The following MED12L variants were observed in gnomAD, a reference collection of about 807,000 sequenced individuals.
MED12L encodes mediator complex subunit 12L.
In MED12L, 60 loss-of-function variants were observed where a neutral mutation model predicts 281.3. The ratio of observed to expected loss-of-function variants is 0.21; its 90% CI spans 0.17 to 0.26. The LOEUF is 0.26. Among genes scored for constraint, MED12L ranks in the 10% least tolerant of loss-of-function variants. The probability of loss-of-function intolerance (pLI) is 1.00; values close to 1 mark genes in which losing one functional copy is unlikely to be tolerated. For missense variants in MED12L, 2,146 were observed against 2,680.9 expected (o/e 0.80, Z 4.41); for synonymous variants, 974 against 987.2 (o/e 0.99, Z 0.25).
chr3:151,223,483 A>C (rs753401157), intron 16 of MED12L, among the ~76,000 whole-genome samples: 12 of 152,254 alleles, frequency 7.9e-5, no homozygotes, highest in Non-Finnish European at 1.3e-4. Flanking sequence ...AATATGGTAC[A>C]TATACACTGT....
chr3:151,328,507 G>C (rs954752105), intron 16 of MED12L: 1 of 1,613,994 alleles, frequency 6.2e-7, no homozygotes, highest in Non-Finnish European at 8.5e-7. Flanking sequence ...TTGCTTCCTT[G>C]TTGCTCAAGA....
intron 27 of MED12L, among the ~76,000 whole-genome samples, chr3:151,373,330 G>T (rs936220166): frequency 6.6e-6 from 1 of 152,142 alleles, no homozygotes; most frequent in Admixed American, 6.5e-5. Flanking sequence ...TGCACCTCAA[G>T]GGTGATGTTA....
At chr3:151,261,161 A>G (rs1258759249) in intron 16 of MED12L, among the ~76,000 whole-genome samples, 1 of 152,122 alleles carries the variant, frequency 6.6e-6, no homozygotes, top group Non-Finnish European at 1.5e-5. Context: ...ACTAAATTAT[A>G]CTGTTCCCCA....
At chr3:151,099,394 A>G (rs1721124477) in intron 2 of MED12L, among the ~76,000 whole-genome samples, 1 of 152,170 alleles carries the variant, frequency 6.6e-6, no homozygotes, top group South Asian at 2.1e-4. Flanking sequence ...AAACTGAGAA[A>G]TTTGAATACA....
chr3:151,138,083 T>C (rs1261598880), intron 5 of MED12L, among the ~76,000 whole-genome samples: 1 of 152,200 alleles, frequency 6.6e-6, no homozygotes, highest in East Asian at 1.9e-4. Flanking sequence ...CCAGTTTTTA[T>C]TTTTGCAAAA....
At position 151,436,450 on chromosome 3, in the gene MED12L, G is replaced by A; in HGVS notation, c.*3646G>A. On this transcript the variant is annotated 3_prime_UTR_variant, in exon 45 of 45. Coordinates refer to ENST00000687756, the MANE Select transcript of MED12L (RefSeq NM_001393769.1). Reference sequence around the variant, plus strand: ...TGAACCGTTTCAATGTTTGTTTATTGTTATTTGTTGGCAAAATAAAAGTGC... The same window carrying A: ...TGAACCGTTTCAATGTTTGTTTATTATTATTTGTTGGCAAAATAAAAGTGC... 1 of 385,616 alleles carries A rather than the reference G, an allele frequency of 2.6e-6. No homozygotes were observed. Among genetic ancestry groups the A allele is most frequent in the Non-Finnish European group, 4.6e-6 (1 of 216,430 alleles). 23.9% of individuals were successfully genotyped at this position (385,616 alleles called of 1,614,324 possible).
intron 2 of MED12L, among the ~76,000 whole-genome samples, chr3:151,113,300 T>TCA (rs1230414160): frequency 1.3e-5 from 2 of 151,976 alleles, no homozygotes; most frequent in Non-Finnish European, 2.9e-5. Context: ...GCTGGGCTGG[T>TCA]GTGTTTGAGA....
At chr3:151,219,706 A>G (rs959189813) in intron 16 of MED12L, 9 of 152,302 alleles carry the variant, frequency 5.9e-5, no homozygotes, top group African/African-American at 2.2e-4. Context: ...TTGGGAAAAT[A>G]TGTCTGTACT....
At chr3:151,151,827 A>G (rs1718566897) in intron 5 of MED12L, among the ~76,000 whole-genome samples, 1 of 152,186 alleles carries the variant, frequency 6.6e-6, no homozygotes, top group Non-Finnish European at 1.5e-5. Flanking sequence ...CATGATGTGA[A>G]CATATGCTGT....
At chr3:151,420,844 G>A (rs550812688) in intron 43 of MED12L, among the ~76,000 whole-genome samples, 2 of 152,184 alleles carry the variant, frequency 1.3e-5, no homozygotes, top group African/African-American at 2.4e-5. Flanking sequence ...GTGAGTCCAC[G>A]GATGGTAGTC....
At chr3:151,347,482 C>CT (rs1232358581) in intron 16 of MED12L, among the ~76,000 whole-genome samples, 3 of 152,206 alleles carry the variant, frequency 2.0e-5, no homozygotes, top group Non-Finnish European at 4.4e-5. Flanking sequence ...GCTCCAAAGT[C>CT]TACTTCCCCT....
At chr3:151,281,505 A>G (rs530976961) in intron 16 of MED12L, among the ~76,000 whole-genome samples, 2 of 152,322 alleles carry the variant, frequency 1.3e-5, no homozygotes, top group Admixed American at 6.5e-5. Flanking sequence ...GCATAATACA[A>G]CATAGCCAAT....
At chr3:151,374,532 A>G (rs1756588396) in intron 27 of MED12L, among the ~76,000 whole-genome samples, 1 of 151,314 alleles carries the variant, frequency 6.6e-6, no homozygotes, top group African/African-American at 2.4e-5. Context: ...CTGGTAAGAG[A>G]GCAAGACTCT....
At chr3:151,112,997 C>T (rs190256906) in intron 2 of MED12L, among the ~76,000 whole-genome samples, 17 of 152,302 alleles carry the variant, frequency 1.1e-4, no homozygotes, top group Non-Finnish European at 1.8e-4. Context: ...ATAAAGATCC[C>T]CAGTTTTATG....
Position 151,360,456 on chromosome 3 carries a change from G to A in MED12L, c.2826-18G>A, listed in dbSNP as rs181611572. 3,732 of 1,606,534 alleles carry A rather than the reference G, an allele frequency of 2.3e-3. 8 individuals are homozygous for A. The highest frequency in any genetic ancestry group is 2.6e-3 in the Non-Finnish European group (3,097 of 1,176,118). On this transcript the variant is annotated intron_variant, in intron 20 of 44. Coordinates refer to ENST00000687756, the MANE Select transcript of MED12L (RefSeq NM_001393769.1). ...GTACAAATCTATGTCTTATTTCTTC[G>A]TATATTTTTCTCCTCAGGTTGTGTG...
chr3:151,213,296 G>T (rs751517527), intron 16 of MED12L: 2 of 1,590,926 alleles, frequency 1.3e-6, no homozygotes, highest in Non-Finnish European at 8.5e-7. Flanking sequence ...AAGAGGGTAG[G>T]AACTCACAAA....
chr3:151,192,761 T>C (rs887029538), intron 15 of MED12L, 107 bp downstream of exon 15: 6 of 740,482 alleles, frequency 8.1e-6, no homozygotes, highest in East Asian at 8.1e-5. Context: ...ATTTGTGATA[T>C]GTAATCTTGC....
chr3:151,421,338 T>A (rs534864718), intron 43 of MED12L, among the ~76,000 whole-genome samples: 15 of 152,124 alleles, frequency 9.9e-5, no homozygotes, highest in Non-Finnish European at 2.1e-4. Context: ...GCCACATACC[T>A]CTTCCCCAAA....
chr3:151,358,118 T>C (rs1754156274), intron 20 of MED12L, among the ~76,000 whole-genome samples: 8 of 152,202 alleles, frequency 5.3e-5, no homozygotes, highest in Admixed American at 5.2e-4. Flanking sequence ...TTTTATTTTT[T>C]TAATCTAGCA....
Sources: gnomAD v4.1 joint callset for allele counts (sites outside exome capture counted in the v4.1 genomes callset) on GRCh38, gnomAD v4.1.1 for gene constraint, MANE v1.5 for transcripts, NCBI Gene and HGNC (gene_info 2026-07-23, HGNC 2026-07-21) for gene names.